The following COL5A1 variants were observed in gnomAD, a reference collection of about 807,000 sequenced individuals.
The protein encoded by COL5A1 is collagen type V alpha 1 chain.
Under a neutral mutation model 263.7 loss-of-function variants are expected in COL5A1, and 16 were observed. The ratio of observed to expected loss-of-function variants is 0.06; its 90% CI spans 0.04 to 0.09. COL5A1 has a LOEUF of 0.09. Ranked by LOEUF, COL5A1 falls within the 10% of genes least tolerant of loss-of-function variation. The probability of loss-of-function intolerance (pLI) is 1.00; values close to 1 mark genes in which losing one functional copy is unlikely to be tolerated. For synonymous variants in COL5A1, 1,012 were observed against 1,004.5 expected (o/e 1.01, Z -0.14); for missense variants, 2,036 against 2,540.5 (o/e 0.80, Z 4.27).
At chr9:134,805,335 G>T in intron 41 of COL5A1, 121 bp downstream of exon 41, 3 of 1,181,164 alleles carry the variant, frequency 2.5e-6, no homozygotes, top group South Asian at 1.2e-5. Flanking sequence ...TGGGGAGGAT[G>T]TGGAGGGGGG....
At chr9:134,709,713 C>T (rs1232176692) in intron 4 of COL5A1, among the ~76,000 whole-genome samples, 1 of 152,244 alleles carries the variant, frequency 6.6e-6, no homozygotes, top group Non-Finnish European at 1.5e-5. Context: ...ATGTGAGCCA[C>T]AGACCCATCT....
intron 9 of COL5A1, among the ~76,000 whole-genome samples, chr9:134,733,307 G>A (rs142708569): frequency 0.014 from 2,152 of 152,334 alleles, 18 homozygotes; most frequent in South Asian, 0.023. Context: ...TTTGAAGCCC[G>A]TGGCCAGGGC....
chr9:134,739,160 C>T (rs778248209), intron 11 of COL5A1, among the ~76,000 whole-genome samples: 4 of 152,230 alleles, frequency 2.6e-5, no homozygotes, highest in African/African-American at 4.8e-5. Flanking sequence ...AGCCACACCA[C>T]GTGGAATTGG....
chr9:134,679,194 C>T (rs901316674), intron 1 of COL5A1, among the ~76,000 whole-genome samples: 1 of 152,146 alleles, frequency 6.6e-6, no homozygotes. Context: ...GTCTCCGAGG[C>T]CCTAACCTAC....
At position 134,794,620 on chromosome 9, in the gene COL5A1, T is replaced by C. The variant is rs1837829037; in HGVS notation, c.2701-462T>C. On this transcript the variant is annotated intron_variant, in intron 32 of 65. Transcript: ENST00000371817. This position sits in a 1 kb window ranked among gnomAD's most constrained non-coding sequence, Gnocchi z 4.3. ...GCGCGTCTGCAGAGCCTGTTGAAAATTTAATGGCTAATATTCTTAACTGTA... is the reference window on the plus strand; with the variant it reads ...GCGCGTCTGCAGAGCCTGTTGAAAACTTAATGGCTAATATTCTTAACTGTA... 6.6e-6 allele frequency among the ~76,000 whole-genome samples: 1 copy of C among 152,200 alleles called. No individual in the cohort carries two copies. The highest frequency in any genetic ancestry group is 1.5e-5 in the Non-Finnish European group (1 of 68,044).
At chr9:134,796,058 G>A (rs1443673656) in intron 34 of COL5A1, among the ~76,000 whole-genome samples, 2 of 152,218 alleles carry the variant, frequency 1.3e-5, no homozygotes, top group African/African-American at 2.4e-5. Context: ...GGGTCCCTGC[G>A]TTCTGCCTTT....
chr9:134,645,990 C>G (rs528072064), intron 1 of COL5A1, among the ~76,000 whole-genome samples: 1 of 152,176 alleles, frequency 6.6e-6, no homozygotes, highest in South Asian at 2.1e-4. Context: ...CTCCCTCCCT[C>G]TCTCCCATCC....
At chr9:134,692,802 G>T (rs899665762) in intron 2 of COL5A1, among the ~76,000 whole-genome samples, 2 of 152,160 alleles carry the variant, frequency 1.3e-5, no homozygotes, top group African/African-American at 4.8e-5. Context: ...AGCTGGGCGC[G>T]GTGGCTCACC....
At chr9:134,710,247 G>C (rs1833976278) in intron 4 of COL5A1, among the ~76,000 whole-genome samples, 1 of 152,246 alleles carries the variant, frequency 6.6e-6, no homozygotes, top group Non-Finnish European at 1.5e-5. Context: ...GCTGTGTGCT[G>C]GCAGGCTCTC....
At chr9:134,723,075 G>A (rs1834521894) in intron 4 of COL5A1, among the ~76,000 whole-genome samples, 2 of 152,208 alleles carry the variant, frequency 1.3e-5, no homozygotes, top group Admixed American at 1.3e-4. Context: ...CTGTCCCTTT[G>A]TGGGTCACAG....
At chr9:134,753,982 C>T in intron 15 of COL5A1, 79 bp downstream of exon 15, 1 of 1,238,670 alleles carries the variant, frequency 8.1e-7, no homozygotes, top group Non-Finnish European at 1.2e-6. Flanking sequence ...ATGGAGGGAC[C>T]CCAACTGCTG....
rs1838466337 is a variant in COL5A1 at position 134,810,238 on chromosome 9, C to T, written c.3475-17C>T. 1.2e-6 allele frequency: 2 copies of T among 1,613,920 alleles called. No individual in the cohort carries two copies. Among genetic ancestry groups the T allele is most frequent in the African/African-American group, 1.3e-5 (1 of 74,944 alleles). ...GTTGTCAAGCTTTCTAACCGAATCC[C>T]CCACACCTTCCCCTAGGGAGAGATC... On this transcript the variant is annotated splice_polypyrimidine_tract_variant and intron_variant, in intron 43 of 65. Coordinates refer to ENST00000371817, the MANE Select transcript of COL5A1 (RefSeq NM_000093.5).
In COL5A1 at chr9:134,844,240, A is replaced by AAGTC. The variant is rs1473838185; in HGVS notation, c.*1938_*1941dup. 3.9e-5 allele frequency: 6 copies of AAGTC among 152,632 alleles called. No individual in the cohort carries two copies. Among genetic ancestry groups the AAGTC allele is most frequent in the Non-Finnish European group, 8.8e-5 (6 of 68,030 alleles). 9.5% of individuals were successfully genotyped at this position (152,632 alleles called of 1,614,324 possible). ...AGTAAGTCTCGCTCTTGCCAAAGAA[A>AAGTC]AGTCTGGCTTGGAGAGTCTCTGGAG... On this transcript the variant is annotated 3_prime_UTR_variant, in exon 66 of 66. Transcript: ENST00000371817.
intron 4 of COL5A1, among the ~76,000 whole-genome samples, chr9:134,724,912 T>G (rs1449639473): frequency 6.6e-6 from 1 of 151,576 alleles, no homozygotes; most frequent in Non-Finnish European, 1.5e-5. Context: ...TGAACCAGGC[T>G]CGGATGAACC....
intron 4 of COL5A1, among the ~76,000 whole-genome samples, chr9:134,721,985 C>T (rs955792007): frequency 1.3e-5 from 2 of 152,246 alleles, no homozygotes; most frequent in South Asian, 4.1e-4. Context: ...TTCTGCAGCA[C>T]TCTGAGCCTG....
chr9:134,774,316 G>A (rs1836974136), intron 26 of COL5A1, among the ~76,000 whole-genome samples: 1 of 152,210 alleles, frequency 6.6e-6, no homozygotes, highest in African/African-American at 2.4e-5. Context: ...GGGGCTGGGA[G>A]GGAGGCGGTG....
At chr9:134,771,598 A>C (rs1219365460) in intron 25 of COL5A1, among the ~76,000 whole-genome samples, 1 of 152,264 alleles carries the variant, frequency 6.6e-6, no homozygotes, top group Admixed American at 6.5e-5. Context: ...AAAGTCACAC[A>C]CGAACCATTT....
intron 34 of COL5A1, among the ~76,000 whole-genome samples, chr9:134,795,904 C>T (rs896541345): frequency 5.9e-5 from 9 of 152,198 alleles, no homozygotes; most frequent in Non-Finnish European, 5.9e-5. Context: ...GCCCGTCCCT[C>T]GGCTGACCGG....
chr9:134,649,063 C>T (rs1831575293), intron 1 of COL5A1, among the ~76,000 whole-genome samples: 1 of 149,772 alleles, frequency 6.7e-6, no homozygotes, highest in Non-Finnish European at 1.5e-5. Context: ...GGAGGTGTTC[C>T]AGGCAGGGGT....
Sources: allele counts gnomAD v4.1 joint callset (sites outside exome capture counted in the v4.1 genomes callset), GRCh38; gene constraint gnomAD v4.1.1; non-coding constraint Gnocchi (gnomAD v3.1); transcripts MANE v1.5; gene names NCBI Gene and HGNC (gene_info 2026-07-23, HGNC 2026-07-21).